PSPC1: variants seen among roughly 807,000 people sequenced by gnomAD.
PSPC1 encodes paraspeckle component 1.
Under a neutral mutation model 51.6 loss-of-function variants are expected in PSPC1, and 14 were observed. The ratio of observed to expected loss-of-function variants is 0.27; its 90% confidence interval spans 0.18 to 0.42. PSPC1 has a LOEUF of 0.42. Ranked by LOEUF, PSPC1 falls within the 10% of genes least tolerant of loss-of-function variation. The pLI, the probability that PSPC1 is intolerant of heterozygous loss-of-function variation, is 1.00. For missense variants in PSPC1, 406 were observed against 701.1 expected, an observed-to-expected ratio of 0.58 and a Z score of 4.75; for synonymous variants, 193 against 231.9, an observed-to-expected ratio of 0.83 and a Z score of 1.53.
intron 3 of PSPC1, among the ~76,000 whole-genome samples, chr13:19,752,204 T>A (rs995513279): frequency 3.3e-5 from 5 of 152,338 alleles, no homozygotes; most frequent in Admixed American, 2.6e-4. Flanking sequence ...AATCAAGGCC[T>A]AACTTACTAC....
intron 6 of PSPC1, among the ~76,000 whole-genome samples, chr13:19,712,328 C>T (rs1016498746): frequency 1.3e-5 from 2 of 152,108 alleles, no homozygotes; most frequent in Non-Finnish European, 2.9e-5. Flanking sequence ...TTCAACTACC[C>T]CTTATATACC....
At chr13:19,708,965 C>G (rs1219597041) in intron 7 of PSPC1, among the ~76,000 whole-genome samples, 2 of 151,870 alleles carry the variant, frequency 1.3e-5, no homozygotes, top group African/African-American at 4.8e-5. Flanking sequence ...GAGTTCGAGA[C>G]CATCCTGGGC....
At chr13:19,755,785 G>A (rs2138168619) in intron 3 of PSPC1, among the ~76,000 whole-genome samples, 1 of 152,132 alleles carries the variant, frequency 6.6e-6, no homozygotes, top group East Asian at 1.9e-4. Context: ...GAACTCCAAG[G>A]TTCAAGGTTT....
At chr13:19,741,462 T>C (rs1381891117) in intron 5 of PSPC1, 103 bp downstream of exon 5, 3 of 800,020 alleles carry the variant, frequency 3.7e-6, no homozygotes, top group Non-Finnish European at 5.9e-6. Context: ...GCAATTTTTC[T>C]ATTTTTCCTG....
At chr13:19,683,478 A>G (rs1461870879) in intron 6 of PSPC1, among the ~76,000 whole-genome samples, 2 of 152,244 alleles carry the variant, frequency 1.3e-5, no homozygotes, top group Non-Finnish European at 2.9e-5. Flanking sequence ...AACGGTGATC[A>G]ATACACAACA....
At chr13:19,701,599 A>T (rs879719466), downstream of PSPC1, among the ~76,000 whole-genome samples, 2 of 152,220 alleles carry the variant, frequency 1.3e-5, no homozygotes, top group African/African-American at 2.4e-5. Flanking sequence ...CAGAACATGA[A>T]AGAGTACGTA....
At chr13:19,771,090 A>G (rs1888578941) in intron 2 of PSPC1, among the ~76,000 whole-genome samples, 2 of 151,646 alleles carry the variant, frequency 1.3e-5, no homozygotes. Context: ...AGCTGAGACT[A>G]CTGTGCACTC....
At chr13:19,736,022 G>C (rs952607285) in intron 5 of PSPC1, among the ~76,000 whole-genome samples, 21 of 151,878 alleles carry the variant, frequency 1.4e-4, no homozygotes, top group Admixed American at 5.2e-4. Context: ...GGGTTTCACC[G>C]TGTTAGCTAG....
downstream of PSPC1, chr13:19,673,087 GGTTTT>G (rs780139930): frequency 0.01 from 529 of 52,658 alleles, 3 homozygotes; most frequent in Non-Finnish European, 0.025. Flanking sequence ...GAACCTATAC[GGTTTT>G]TTTTTGTTTT....
chr13:19,723,347 C>G (rs1882999442), intron 6 of PSPC1, among the ~76,000 whole-genome samples: 1 of 152,170 alleles, frequency 6.6e-6, no homozygotes, highest in Non-Finnish European at 1.5e-5. Flanking sequence ...GTATGAGATT[C>G]AGTCATCATT....
At chr13:19,732,009 C>T (rs528910501) in intron 5 of PSPC1, among the ~76,000 whole-genome samples, 10 of 152,244 alleles carry the variant, frequency 6.6e-5, no homozygotes, top group Non-Finnish European at 1.2e-4. Context: ...AATTGCAAAT[C>T]CTCAAATTTC....
intron 6 of PSPC1, among the ~76,000 whole-genome samples, chr13:19,716,568 G>A (rs1882117387): frequency 6.6e-6 from 1 of 152,068 alleles, no homozygotes; most frequent in Admixed American, 6.5e-5. Context: ...AAAGCTTTAA[G>A]AATTGTCCAG....
intron 4 of PSPC1, among the ~76,000 whole-genome samples, chr13:19,743,481 GC>G (rs200936435): frequency 1.4e-5 from 1 of 73,678 alleles, no homozygotes; most frequent in African/African-American, 3.0e-5. Flanking sequence ...TATAAATTAT[GC>G]AAAAAAAAAG....
chr13:19,716,832 T>A (rs2137823328), intron 6 of PSPC1, among the ~76,000 whole-genome samples: 1 of 152,298 alleles, frequency 6.6e-6, no homozygotes, highest in South Asian at 2.1e-4. Context: ...TTTCCTTCAC[T>A]AAAGAAGGTT....
At chr13:19,712,854 T>G (rs1881607738) in intron 6 of PSPC1, among the ~76,000 whole-genome samples, 1 of 152,160 alleles carries the variant, frequency 6.6e-6, no homozygotes, top group Admixed American at 6.5e-5. Flanking sequence ...TATAATTTGA[T>G]GGCATCATTT....
chr13:19,758,478 C>T lies in PSPC1; in HGVS notation c.770+845G>A, dbSNP rs1887306770. 3.9e-5 allele frequency among the ~76,000 whole-genome samples: 6 copies of T among 152,046 alleles called. No homozygotes were observed. The South Asian group carries it at 1.2e-3, about 31-fold the overall frequency. Reference sequence around the variant, plus strand: ...TTTAACTAGGAATACCCTGCTCTACCCTGGCACACCAAAAATCTCCTTTTA... The same window carrying T: ...TTTAACTAGGAATACCCTGCTCTACTCTGGCACACCAAAAATCTCCTTTTA... On this transcript the variant is annotated intron_variant, in intron 3 of 8. Transcript: ENST00000338910.
intron 6 of PSPC1, among the ~76,000 whole-genome samples, chr13:19,686,386 C>A (rs1017127663): frequency 1.3e-5 from 2 of 152,098 alleles, no homozygotes; most frequent in Non-Finnish European, 2.9e-5. Flanking sequence ...AGGTTGTCAA[C>A]ATTTCAGTAG....
Position 19,782,933 on chromosome 13 carries a change from C to T in PSPC1, c.-176G>A. 3 of 602,426 alleles carry T rather than the reference C, an allele frequency of 5.0e-6. No homozygotes were observed. The highest frequency in any genetic ancestry group is 7.6e-6 in the Non-Finnish European group (3 of 394,134). 37.3% of individuals were successfully genotyped at this position (602,426 alleles called of 1,614,324 possible). A position where few individuals can be genotyped will look rare whatever the true frequency, so the allele number is the denominator to read the frequency against. On this transcript the variant is annotated 5_prime_UTR_variant, in exon 1 of 9. It adds an upstream start codon to the 5' untranslated region. Transcript: ENST00000338910. The surrounding 1 kb of genome is among the most constrained non-coding windows in gnomAD (Gnocchi z 4.5). ...CCAACTCACGCCCGCTGCAGCTGCA[C>T]ATTCAAAATGGCGCTGCCACAAACT... is the stretch of plus-strand genomic sequence containing the variant.
chr13:19,702,356 T>C (rs565740207), downstream of PSPC1: 6 of 152,296 alleles, frequency 3.9e-5, no homozygotes, highest in East Asian at 1.9e-4. Flanking sequence ...CCCAACAGTA[T>C]TGTTTTATTT....
Sources: gnomAD v4.1 joint callset for allele counts (sites outside exome capture counted in the v4.1 genomes callset) on GRCh38, gnomAD v4.1.1 for gene constraint, Gnocchi (gnomAD v3.1) non-coding constraint, MANE v1.5 for transcripts, NCBI Gene and HGNC (gene_info 2026-07-23, HGNC 2026-07-21) for gene names.